Variants in ST18 observed in about 807,000 individuals in gnomAD.
ST18 encodes suppression of tumorigenicity 18 protein.
In ST18, 50 loss-of-function variants were observed where a neutral mutation model predicts 110.0. The ratio of observed to expected loss-of-function variants is 0.45; its 90% CI spans 0.36 to 0.58. ST18 has a LOEUF of 0.58. Among genes scored for constraint, ST18 ranks in the 20% least tolerant of loss-of-function variants. The probability of loss-of-function intolerance (pLI) is 0.00; values close to 1 mark genes in which losing one functional copy is unlikely to be tolerated. For synonymous variants in ST18, 461 were observed against 452.4 expected, an observed-to-expected ratio of 1.02 and a Z score of -0.24; for missense variants, 1,306 against 1,280.1, an observed-to-expected ratio of 1.02 and a Z score of -0.31.
At chr8:52,353,953 AG>A (rs1427340351) in intron 2 of ST18, among the ~76,000 whole-genome samples, 3 of 152,344 alleles carry the variant, frequency 2.0e-5, no homozygotes, top group Middle Eastern at 3.4e-3. Flanking sequence ...TCTATTTCTC[AG>A]CCCCTTTCCT....
At chr8:52,314,881 C>T (rs1461719843) in intron 2 of ST18, among the ~76,000 whole-genome samples, 3 of 152,166 alleles carry the variant, frequency 2.0e-5, no homozygotes, top group Admixed American at 2.0e-4. Flanking sequence ...ACACAGCCAG[C>T]CAGCCTCGAT....
At chr8:52,213,409 C>T (rs543455543) in intron 7 of ST18, among the ~76,000 whole-genome samples, 2 of 145,942 alleles carry the variant, frequency 1.4e-5, no homozygotes, top group South Asian at 4.6e-4. Flanking sequence ...GCTGCAGGGT[C>T]ACGGCTTTGC....
In ST18 at chr8:52,409,677, C is replaced by T. The variant is rs1208889187; in HGVS notation, c.-719G>A. On this transcript the variant is annotated 5_prime_UTR_variant, in exon 1 of 26. Transcript: ENST00000689386. ...CAGTTACCTCAATTATTTTTCTCTC[C>T]TTACCTCTAGTATTCCCCTGAGGTC... The T allele has an allele frequency of 6.6e-6, 1 of 152,206 alleles. No individual in the cohort carries two copies. Among genetic ancestry groups the T allele is most frequent in the Non-Finnish European group, 1.5e-5 (1 of 68,040 alleles). The allele number at this position is 152,206 out of a possible 1,614,324, so 9.4% of individuals were successfully genotyped here. A position where few individuals can be genotyped will look rare whatever the true frequency, so the allele number is the denominator to read the frequency against.
At chr8:52,243,539 C>T (rs557767018) in intron 2 of ST18, among the ~76,000 whole-genome samples, 11 of 152,048 alleles carry the variant, frequency 7.2e-5, no homozygotes, top group Non-Finnish European at 1.3e-4. Flanking sequence ...GATTTGGGCT[C>T]AATCTGGGTT....
chr8:52,171,626 A>T, intron 10 of ST18, 166 bp downstream of exon 10: 1 of 784,328 alleles, frequency 1.3e-6, no homozygotes, highest in Non-Finnish European at 2.1e-6. Context: ...AGGATAATCT[A>T]GAGAGTGGGG....
chr8:52,134,519 A>C lies in ST18; in HGVS notation c.2301-1218T>G, dbSNP rs530885149. Among the ~76,000 whole-genome samples the C allele has an allele frequency of 4.6e-5, 7 of 152,330 alleles. No individual in the cohort carries two copies. The East Asian group carries it at 1.4e-3, about 29-fold the overall frequency. On this transcript the variant is annotated intron_variant, in intron 19 of 25. Coordinates refer to ENST00000689386, the MANE Select transcript of ST18 (RefSeq NM_001352837.2). Reference sequence around the variant, plus strand: ...TAATCCAAAGAAAAATGTGTTTACTATCCCTTTCCTTACATTCCATTCCCC... The same window carrying C: ...TAATCCAAAGAAAAATGTGTTTACTCTCCCTTTCCTTACATTCCATTCCCC...
At chr8:52,218,691 C>T (rs1249229465) in intron 5 of ST18, among the ~76,000 whole-genome samples, 3 of 151,840 alleles carry the variant, frequency 2.0e-5, no homozygotes, top group Non-Finnish European at 2.9e-5. Context: ...TGAGCCACTG[C>T]ACCCGGCTGC....
intron 16 of ST18, among the ~76,000 whole-genome samples, chr8:52,146,582 A>G (rs941600972): frequency 6.6e-6 from 1 of 152,012 alleles, no homozygotes; most frequent in African/African-American, 2.4e-5. Flanking sequence ...TCTGATAATA[A>G]TCCTGCTTTT....
intron 10 of ST18, among the ~76,000 whole-genome samples, chr8:52,168,076 G>C (rs2063593435): frequency 6.6e-6 from 1 of 151,582 alleles, no homozygotes; most frequent in Non-Finnish European, 1.5e-5. Flanking sequence ...AGCCCAAATT[G>C]CCCCCTAACT....
At chr8:52,398,904 T>C (rs1247786802) in intron 2 of ST18, among the ~76,000 whole-genome samples, 2 of 152,134 alleles carry the variant, frequency 1.3e-5, no homozygotes, top group Non-Finnish European at 2.9e-5. Flanking sequence ...GTTTTCTTTT[T>C]CTGTGGTGTC....
intron 8 of ST18, 58 bp from the exon 9 acceptor site, chr8:52,180,370 A>G: frequency 6.3e-7 from 1 of 1,586,210 alleles, no homozygotes; most frequent in South Asian, 1.1e-5. Flanking sequence ...GCTGTTTGGC[A>G]TTTAACTTTC....
chr8:52,271,719 G>A (rs1484253462), intron 2 of ST18, among the ~76,000 whole-genome samples: 4 of 152,186 alleles, frequency 2.6e-5, no homozygotes, highest in Non-Finnish European at 5.9e-5. Flanking sequence ...CCTGAAGACA[G>A]TAGCTATTTT....
intron 2 of ST18, among the ~76,000 whole-genome samples, chr8:52,367,948 T>G (rs760962606): frequency 2.6e-5 from 4 of 152,236 alleles, no homozygotes; most frequent in Non-Finnish European, 5.9e-5. Flanking sequence ...GTGAAGCTTA[T>G]GGACAAGGTA....
chr8:52,272,904 G>A (rs531247470), intron 2 of ST18, among the ~76,000 whole-genome samples: 2 of 152,258 alleles, frequency 1.3e-5, no homozygotes, highest in South Asian at 4.1e-4. Context: ...TTATCTGGGA[G>A]GGGAAAGAAA....
chr8:52,397,666 G>A (rs565435939), intron 2 of ST18, among the ~76,000 whole-genome samples: 7 of 151,990 alleles, frequency 4.6e-5, no homozygotes, highest in Non-Finnish European at 7.4e-5. Flanking sequence ...ATTTGCATGT[G>A]GAAATACAAT....
chr8:52,393,303 C>T (rs182414258), intron 2 of ST18, among the ~76,000 whole-genome samples: 107 of 152,238 alleles, frequency 7.0e-4, no homozygotes, highest in African/African-American at 2.4e-3. Context: ...CCCAGACCTG[C>T]GGCACAGACC....
intron 23 of ST18, among the ~76,000 whole-genome samples, chr8:52,119,628 A>T (rs2043903806): frequency 1.3e-5 from 2 of 152,214 alleles, no homozygotes; most frequent in African/African-American, 4.8e-5. Flanking sequence ...AAATGGTTGC[A>T]CACAGGAAGC....
chr8:52,238,989 G>T (rs1487263612), intron 2 of ST18, among the ~76,000 whole-genome samples: 1 of 152,146 alleles, frequency 6.6e-6, no homozygotes, highest in Admixed American at 6.5e-5. Flanking sequence ...AACTGCACTT[G>T]TACCCCCTAT....
chr8:52,383,144 A>G (rs1473450604), intron 2 of ST18, among the ~76,000 whole-genome samples: 2 of 152,168 alleles, frequency 1.3e-5, no homozygotes, highest in Non-Finnish European at 2.9e-5. Flanking sequence ...GAGAAGAGTA[A>G]GCTCAAAGGG....
Sources: allele counts gnomAD v4.1 joint callset (sites outside exome capture counted in the v4.1 genomes callset), GRCh38; gene constraint gnomAD v4.1.1; transcripts MANE v1.5; gene names NCBI Gene and HGNC (gene_info 2026-07-23, HGNC 2026-07-21).